CCDC102B: variants seen among roughly 807,000 people sequenced by gnomAD.
CCDC102B encodes the protein coiled-coil domain containing 102B.
CCDC102B carries 75 observed loss-of-function variants against 57.4 expected under a neutral mutation model. That is an observed-to-expected ratio of 1.31 (90% confidence interval 1.08 to 1.58). The LOEUF (loss-of-function observed/expected upper bound fraction) is 1.58, where lower values mean the gene tolerates loss of function less well. CCDC102B is among the 40% of genes most tolerant of loss of function. CCDC102B has a pLI of 0.00. For missense variants in CCDC102B, 636 were observed against 582.6 expected (o/e 1.09, Z -0.94); for synonymous variants, 206 against 201.9 (o/e 1.02, Z -0.17).
chr18:68,894,434 G>A (rs2040176243), intron 5 of CCDC102B, among the ~76,000 whole-genome samples: 1 of 151,876 alleles, frequency 6.6e-6, no homozygotes, highest in African/African-American at 2.4e-5. Flanking sequence ...AGTTGAGTTA[G>A]AATTAAAATA....
intron 6 of CCDC102B, among the ~76,000 whole-genome samples, chr18:68,984,693 A>C (rs2145304442): frequency 6.6e-6 from 1 of 152,226 alleles, no homozygotes; most frequent in East Asian, 1.9e-4. Flanking sequence ...TTATTTACCT[A>C]ACTTTGGATT....
intron 5 of CCDC102B, among the ~76,000 whole-genome samples, chr18:68,878,875 G>A (rs1333565924): frequency 6.6e-6 from 1 of 152,196 alleles, no homozygotes; most frequent in African/African-American, 2.4e-5. Context: ...TGGTCTCACT[G>A]ACTTCAAGAA....
At chr18:68,803,939 C>A (rs1203434265) in intron 1 of CCDC102B, among the ~76,000 whole-genome samples, 1 of 152,018 alleles carries the variant, frequency 6.6e-6, no homozygotes, top group Non-Finnish European at 1.5e-5. Context: ...ATGTTGGGAT[C>A]CTAGAAATAT....
At chr18:68,897,156 G>A (rs117509554) in intron 5 of CCDC102B, 63 bp from the exon 6 acceptor site, 13,125 of 1,260,914 alleles carry the variant, frequency 0.01, 185 homozygotes, top group East Asian at 0.074. Flanking sequence ...CTGGTTGTGG[G>A]TGGCATTATC....
At chr18:68,880,171 C>T (rs1019354182) in intron 5 of CCDC102B, among the ~76,000 whole-genome samples, 5 of 152,210 alleles carry the variant, frequency 3.3e-5, no homozygotes, top group South Asian at 2.1e-4. Context: ...GGTGAGAAAT[C>T]GAGCGCAGCG....
chr18:68,751,211 C>T (rs2033838713), intron 2 of CCDC102B, among the ~76,000 whole-genome samples: 1 of 152,094 alleles, frequency 6.6e-6, no homozygotes, highest in Non-Finnish European at 1.5e-5. Context: ...TAATACTGAA[C>T]CATTGTTCCT....
At chr18:69,004,553 G>A (rs539698026) in intron 6 of CCDC102B, among the ~76,000 whole-genome samples, 8 of 152,216 alleles carry the variant, frequency 5.3e-5, no homozygotes, top group East Asian at 1.9e-4. Context: ...CATACAGAAC[G>A]GGGATCTCAG....
In CCDC102B at chr18:68,751,037, CT is replaced by C. The variant is rs1421141494; in HGVS notation, c.-67+34444del. On this transcript the variant is annotated intron_variant, in intron 2 of 3. Transcript: ENST00000578970. ...GTGCAGCTAAGGGGCAAATAATGAC[CT>C]AGAAATTAGGTCAAAATAATCTATC... 4.0e-5 allele frequency among the ~76,000 whole-genome samples: 6 copies of C among 151,608 alleles called. No homozygotes were observed. In the East Asian group the frequency reaches 1.2e-3, roughly 29 times the overall value.
At chr18:68,730,791 C>T (rs2032824428) in intron 2 of CCDC102B, among the ~76,000 whole-genome samples, 1 of 152,098 alleles carries the variant, frequency 6.6e-6, no homozygotes, top group South Asian at 2.1e-4. Flanking sequence ...CAGAAAATGT[C>T]TTCTACATGA....
intron 6 of CCDC102B, among the ~76,000 whole-genome samples, chr18:68,935,084 C>T (rs4445985): frequency 0.26 from 39,124 of 151,680 alleles, 6,482 homozygotes; most frequent in East Asian, 0.61. Flanking sequence ...CAGAAAAGAC[C>T]GCATCTATAA....
chr18:68,999,346 C>T (rs2051137360), intron 6 of CCDC102B, among the ~76,000 whole-genome samples: 1 of 151,760 alleles, frequency 6.6e-6, no homozygotes, highest in African/African-American at 2.4e-5. Context: ...CCTATAATCC[C>T]AGCACTTTGG....
chr18:68,873,838 A>G (rs1290557608), intron 4 of CCDC102B, among the ~76,000 whole-genome samples: 6 of 109,946 alleles, frequency 5.5e-5, no homozygotes, highest in Non-Finnish European at 1.1e-4. Context: ...ATATATGTCA[A>G]TACAACAAAA....
At chr18:68,995,603 G>A (rs2051003861) in intron 6 of CCDC102B, among the ~76,000 whole-genome samples, 1 of 152,112 alleles carries the variant, frequency 6.6e-6, no homozygotes, top group Non-Finnish European at 1.5e-5. Context: ...CAGAAGTCAA[G>A]AATTGAGCTT....
intron 6 of CCDC102B, among the ~76,000 whole-genome samples, chr18:68,979,541 T>G (rs574062581): frequency 1.3e-5 from 2 of 151,966 alleles, no homozygotes. Flanking sequence ...AGAATAATAT[T>G]TATTAGAATT....
Position 68,855,034 on chromosome 18 carries a change from A to G in CCDC102B, c.936+8613A>G, listed in dbSNP as rs544234486. ...TATTCCCAAAGATTTCAAGAATGTCATATGTGACGGGAGAGTTAGGGAATG... is the reference window on the plus strand; with the variant it reads ...TATTCCCAAAGATTTCAAGAATGTCGTATGTGACGGGAGAGTTAGGGAATG... On this transcript the variant is annotated intron_variant, in intron 4 of 7. Transcript: ENST00000360242. Among the ~76,000 whole-genome samples the G allele has an allele frequency of 7.6e-4, 115 of 152,230 alleles. 1 individual carries two copies. Among genetic ancestry groups the G allele is most frequent in the Non-Finnish European group, 2.6e-4 (18 of 68,040 alleles).
chr18:68,980,308 T>C (rs550035429), intron 6 of CCDC102B, among the ~76,000 whole-genome samples: 62 of 150,838 alleles, frequency 4.1e-4, no homozygotes, highest in African/African-American at 1.4e-3. Context: ...TACCAAATGA[T>C]ACTGTGATTT....
At chr18:68,814,342 A>C (rs1414542273) in intron 1 of CCDC102B, among the ~76,000 whole-genome samples, 1 of 152,098 alleles carries the variant, frequency 6.6e-6, no homozygotes, top group Non-Finnish European at 1.5e-5. Context: ...ATATTTATTC[A>C]ATTTAGAGCA....
intron 6 of CCDC102B, among the ~76,000 whole-genome samples, chr18:68,996,093 G>T (rs149459720): frequency 6.6e-6 from 1 of 152,208 alleles, no homozygotes; most frequent in South Asian, 2.1e-4. Flanking sequence ...TTGTTCCTGC[G>T]TGTGTCTGTG....
At chr18:68,998,997 TATAGAG>T (rs1443912513) in intron 6 of CCDC102B, among the ~76,000 whole-genome samples, 239 of 30,468 alleles carry the variant, frequency 7.8e-3, no homozygotes, top group Admixed American at 0.024. Flanking sequence ...TATATATATA[TATAGAG>T]AGAGAGAGAG....
Sources: gnomAD v4.1 joint callset for allele counts (sites outside exome capture counted in the v4.1 genomes callset) on GRCh38, gnomAD v4.1.1 for gene constraint, MANE v1.5 for transcripts, NCBI Gene and HGNC (gene_info 2026-07-23, HGNC 2026-07-21) for gene names.